Variants in NARS1 observed in about 807,000 individuals in gnomAD.
NARS1 encodes asparaginyl-tRNA synthetase 1.
A neutral mutation model predicts 79.2 loss-of-function variants in NARS1; 65 were observed. That is an observed-to-expected ratio of 0.82 (90% CI 0.67 to 1.01). The LOEUF is 1.01. Among genes scored for constraint, NARS1 ranks in the 50% least tolerant of loss-of-function variants. The pLI is 0.00. For missense variants in NARS1, 649 were observed against 673.8 expected, an observed-to-expected ratio of 0.96 and a Z score of 0.41; for synonymous variants, 229 against 238.8, an observed-to-expected ratio of 0.96 and a Z score of 0.38.
intron 2 of NARS1, 30 bp from the exon 3 acceptor site, chr18:57,616,005 CTTGAACA>C: frequency 6.5e-7 from 1 of 1,546,246 alleles, no homozygotes. Flanking sequence ...AAAGACAGTT[CTTGAACA>C]TTGTACAATA....
chr18:57,616,371 G>A (rs1908029647), intron 2 of NARS1, among the ~76,000 whole-genome samples: 1 of 150,246 alleles, frequency 6.7e-6, no homozygotes, highest in Non-Finnish European at 1.5e-5. Flanking sequence ...AGTGAGCCAA[G>A]ATCGTGCCAC....
intron 12 of NARS1, 127 bp downstream of exon 12, chr18:57,602,685 C>T (rs1360669053): frequency 3.8e-6 from 5 of 1,299,470 alleles, no homozygotes; most frequent in Admixed American, 5.3e-5. Flanking sequence ...AAAAACCCAA[C>T]GTCTTTAAAT....
Position 57,602,885 on chromosome 18 carries a change from AG to A in NARS1, c.1309del (p.Leu437CysfsTer29). ...CTTGATCTCCACAGGAAATCGACAC[AG>A]CAAGATTGGTTCATTAATGGTGTCT... ...MTDTINEPIL[L>X]CRFPVEIKSF... On this transcript the variant is annotated frameshift_variant, in exon 12 of 14. Coordinates refer to ENST00000256854, the MANE Select transcript of NARS1 (RefSeq NM_004539.4). LOFTEE classifies it high-confidence loss of function. The A allele has an allele frequency of 6.2e-7, 1 of 1,614,146 alleles. No homozygotes were observed. Among genetic ancestry groups the A allele is most frequent in the Non-Finnish European group, 8.5e-7 (1 of 1,179,980 alleles).
At position 57,606,628 on chromosome 18, in the gene NARS1, A is replaced by G. The variant is rs748852338; in HGVS notation, c.1125T>C (p.His375=). ...ACACTGCACCTACCGGGTTGAGCTC[A>G]TGCACTATGCTCCCTGCAGGTGACT... ...ILKSPAGSIV[H]ELNPNFQPPK... Residue 375 remains histidine, a synonymous_variant, in exon 10 of 14, where the codon CAT becomes CAC. Coordinates refer to ENST00000256854, the MANE Select transcript of NARS1 (RefSeq NM_004539.4). 3.1e-6 allele frequency: 5 copies of G among 1,614,020 alleles called. No individual in the cohort carries two copies. The South Asian group carries it at 3.3e-5, about 11-fold the overall frequency.
In NARS1 at chr18:57,611,616, T is replaced by C. The variant is rs565386810; in HGVS notation, c.492+21A>G. The stretch of plus-strand genomic sequence containing the variant: ...ACTGAAAACATCTAATTTTCAGGCA[T>C]AAATAAGAGAAAATATTTACCAACT... On this transcript the variant is annotated intron_variant, in intron 6 of 13. Transcript: ENST00000256854. The C allele has an allele frequency of 8.7e-5, 133 of 1,529,144 alleles. No homozygotes were observed. The South Asian group carries it at 1.4e-3, about 16-fold the overall frequency. 94.7% of individuals were successfully genotyped at this position (1,529,144 alleles called of 1,614,324 possible). A position where few individuals can be genotyped will look rare whatever the true frequency, so the allele number is the denominator to read the frequency against.
intron 11 of NARS1, among the ~76,000 whole-genome samples, chr18:57,605,134 A>AAAAAAAT (rs536569272): frequency 1.6e-4 from 21 of 135,202 alleles, no homozygotes; most frequent in African/African-American, 4.3e-4. Context: ...AAAAAAAAAA[A>AAAAAAAT]ATATATATAT....
In NARS1 at chr18:57,613,629, C is replaced by A. The variant is rs1402942713; in HGVS notation, c.394G>T (p.Gly132Cys). ...TGCCTGCGCAGCCTGTGGACCCAGC[C>A]AAACACCTTTACTCTTTGGCCTCTA... ...GYRGQRVKVFGWVHRLRRQGK... is the reference protein window; with the variant it reads ...GYRGQRVKVFCWVHRLRRQGK... The change falls in exon 5 of 14, where the codon GGC becomes TGC. Residue 132 changes from glycine (G) to cysteine (C), a missense_variant. Transcript: ENST00000256854. 15 of 1,614,186 alleles carry A rather than the reference C, an allele frequency of 9.3e-6. No homozygotes were observed. The highest frequency in any genetic ancestry group is 1.3e-5 in the Non-Finnish European group (15 of 1,180,018).
At position 57,613,636 on chromosome 18, in the gene NARS1, C is replaced by T. The variant is rs768467539; in HGVS notation, c.387G>A (p.Lys129=). Reference sequence around the variant, plus strand: ...GCAGCCTGTGGACCCAGCCAAACACCTTTACTCTTTGGCCTCTATATCCTT... The same window carrying T: ...GCAGCCTGTGGACCCAGCCAAACACTTTTACTCTTTGGCCTCTATATCCTT... ...ALEGYRGQRV[K]VFGWVHRLRR... is the part of the protein sequence containing the mutation. The change falls in exon 5 of 14, where the codon AAG becomes AAA. Residue 129 remains lysine, a synonymous_variant. Coordinates refer to ENST00000256854, the MANE Select transcript of NARS1 (RefSeq NM_004539.4). The T allele has an allele frequency of 6.2e-7, 1 of 1,614,148 alleles. No individual in the cohort carries two copies. The highest frequency in any genetic ancestry group is 1.1e-5 in the South Asian group (1 of 91,084).
intron 5 of NARS1, among the ~76,000 whole-genome samples, chr18:57,612,907 GAC>G (rs2051616051): frequency 6.6e-6 from 1 of 152,194 alleles, no homozygotes; most frequent in Non-Finnish European, 1.5e-5. Context: ...CCAAGTTTCA[GAC>G]TCAGATGTCA....
intron 10 of NARS1, 90 bp downstream of exon 10, chr18:57,606,526 G>T: frequency 1.6e-6 from 2 of 1,281,856 alleles, no homozygotes; most frequent in Non-Finnish European, 2.2e-6. Flanking sequence ...AGCTCACCAA[G>T]CCATCAAATC....
intron 7 of NARS1, among the ~76,000 whole-genome samples, 197 bp from the exon 8 acceptor site, chr18:57,607,862 C>A: frequency 6.7e-6 from 1 of 150,170 alleles, no homozygotes; most frequent in African/African-American, 2.4e-5. Flanking sequence ...CACATACACA[C>A]AAATATCTTT....
Position 57,602,923 on chromosome 18 carries a change from C to T in NARS1, c.1272G>A (p.Glu424=), listed in dbSNP as rs1399819969. The change falls in exon 12 of 14, where the codon GAG becomes GAA. Residue 424 remains glutamate (E), a synonymous_variant. Coordinates refer to ENST00000256854, the MANE Select transcript of NARS1 (RefSeq NM_004539.4). ...CATTAATGGTGTCTGTCATCAGTCT[C>T]TCAGGAGCTTCTGGGATATCCTGAG... ...EFGEDIPEAP[E]RLMTDTINEP... 6.2e-7 allele frequency: 1 copy of T among 1,614,100 alleles called. No individual in the cohort carries two copies. Among genetic ancestry groups the T allele is most frequent in the South Asian group, 1.1e-5 (1 of 91,072 alleles).
chr18:57,607,378 C>A, intron 8 of NARS1, 45 bp from the exon 9 acceptor site: 5 of 1,609,876 alleles, frequency 3.1e-6, no homozygotes, highest in Non-Finnish European at 2.6e-6. Flanking sequence ...ATCGTGAGCA[C>A]CACTATTCAA....
At chr18:57,605,245 A>G (rs2051544015) in intron 11 of NARS1, among the ~76,000 whole-genome samples, 1 of 151,906 alleles carries the variant, frequency 6.6e-6, no homozygotes, top group Non-Finnish European at 1.5e-5. Flanking sequence ...GAGAGCTTAT[A>G]AGCTGTGGCC....
At chr18:57,619,918 G>A (rs34833328) in intron 2 of NARS1, among the ~76,000 whole-genome samples, 14,662 of 152,052 alleles carry the variant, frequency 0.096, 835 homozygotes, top group Non-Finnish European at 0.13. Flanking sequence ...AAACTCCTGC[G>A]CTGAAGCAAT....
chr18:57,605,676 C>G (rs1395656572), intron 11 of NARS1, among the ~76,000 whole-genome samples, 181 bp downstream of exon 11: 1 of 151,470 alleles, frequency 6.6e-6, no homozygotes, highest in African/African-American at 2.4e-5. Flanking sequence ...ACAGAACAGG[C>G]ACTGTCCTAA....
intron 2 of NARS1, among the ~76,000 whole-genome samples, chr18:57,617,934 A>T (rs1908125959): frequency 6.6e-6 from 1 of 150,996 alleles, no homozygotes; most frequent in Non-Finnish European, 1.5e-5. Flanking sequence ...AAAAAGAAAA[A>T]AAAGAAAACA....
At chr18:57,618,853 G>C (rs1185754101) in intron 2 of NARS1, among the ~76,000 whole-genome samples, 1 of 152,138 alleles carries the variant, frequency 6.6e-6, no homozygotes, top group Non-Finnish European at 1.5e-5. Flanking sequence ...AGTGAGCCAT[G>C]AATGCGCTAC....
chr18:57,606,526 G>A (rs1301899698), intron 10 of NARS1, 90 bp downstream of exon 10: 3 of 1,281,746 alleles, frequency 2.3e-6, no homozygotes, highest in African/African-American at 1.5e-5. Context: ...AGCTCACCAA[G>A]CCATCAAATC....
Sources: gnomAD v4.1 joint callset for allele counts (sites outside exome capture counted in the v4.1 genomes callset) on GRCh38, gnomAD v4.1.1 for gene constraint, MANE v1.5 for transcripts, NCBI Gene and HGNC (gene_info 2026-07-23, HGNC 2026-07-21) for gene names.